The following ADARB2 variants were observed in gnomAD, a reference collection of about 807,000 sequenced individuals.
ADARB2 encodes adenosine deaminase RNA specific B2 (inactive), also known as inactive double-stranded RNA-specific editase B2.
In ADARB2, 25 loss-of-function variants were observed where a neutral mutation model predicts 62.2. The observed-to-expected ratio is 0.40, with a 90% CI of 0.29 to 0.56. The LOEUF (loss-of-function observed/expected upper bound fraction) is 0.56. Among genes scored for constraint, ADARB2 ranks in the 20% least tolerant of loss-of-function variants. The pLI is 0.43. For synonymous variants in ADARB2, 572 were observed against 500.8 expected, an observed-to-expected ratio of 1.14 and a Z score of -1.90; for missense variants, 1,071 against 1,077.4, an observed-to-expected ratio of 0.99 and a Z score of 0.08.
At chr10:1,483,273 CT>C (rs1296541161) in intron 1 of ADARB2, among the ~76,000 whole-genome samples, 1 of 152,172 alleles carries the variant, frequency 6.6e-6, no homozygotes, top group African/African-American at 2.4e-5. Context: ...CAACACGTTT[CT>C]GTTTCAAACA....
At position 1,363,547 on chromosome 10, in the gene ADARB2, G is replaced by C. The variant is rs1832282752; in HGVS notation, c.558C>G (p.Leu186=). The C allele has an allele frequency of 6.4e-6, 10 of 1,564,822 alleles. No homozygotes were observed. Among genetic ancestry groups the C allele is most frequent in the Non-Finnish European group, 8.6e-6 (10 of 1,157,334 alleles). Residue 186 remains leucine (L), a synonymous_variant, in exon 3 of 10, where the codon CTC becomes CTG. Transcript: ENST00000381312. ...KAKMRAAELA[L]RSFVQFPNAC... ...CGTTGGGGAACTGCACGAAGGACCT[G>C]AGTGCCAGCTCCGCCGCGCGCATCT...
intron 4 of ADARB2, among the ~76,000 whole-genome samples, chr10:1,261,935 A>G (rs1831141326): frequency 6.7e-6 from 1 of 148,556 alleles, no homozygotes; most frequent in Non-Finnish European, 1.5e-5. Flanking sequence ...AATGTGGCAC[A>G]TATACACCAT....
chr10:1,370,299 A>G (rs1832357318), intron 2 of ADARB2, among the ~76,000 whole-genome samples: 2 of 152,194 alleles, frequency 1.3e-5, no homozygotes, highest in Non-Finnish European at 2.9e-5. Context: ...GTAGACACAT[A>G]CCTCAAAATA....
chr10:1,270,896 A>T (rs1831254892), intron 4 of ADARB2, 59 bp downstream of exon 4: 4 of 1,468,622 alleles, frequency 2.7e-6, no homozygotes, highest in Admixed American at 1.8e-5. Flanking sequence ...GATCAGGTAG[A>T]TGCTAATGCT....
rs1161626151 is a variant in ADARB2 at position 1,547,822 on chromosome 10, G to A, written c.101-168662C>T. On this transcript the variant is annotated intron_variant, in intron 1 of 9. Coordinates refer to ENST00000381312, the MANE Select transcript of ADARB2 (RefSeq NM_018702.4). ...AAGAGGCTGCACAGGTGTATACACTGTGGGGAGGGGGAGATAGGCATTGGT... is the reference window on the plus strand; with the variant it reads ...AAGAGGCTGCACAGGTGTATACACTATGGGGAGGGGGAGATAGGCATTGGT... Among the ~76,000 whole-genome samples the A allele has an allele frequency of 3.3e-5, 5 of 151,778 alleles. No homozygotes were observed. The East Asian group carries it at 7.7e-4, about 24-fold the overall frequency.
intron 1 of ADARB2, among the ~76,000 whole-genome samples, chr10:1,482,147 A>C (rs1274411470): frequency 6.6e-6 from 1 of 152,256 alleles, no homozygotes; most frequent in Non-Finnish European, 1.5e-5. Context: ...GCCAGTGTGA[A>C]TATAACGTGG....
chr10:1,594,183 G>A (rs192484376), intron 1 of ADARB2, among the ~76,000 whole-genome samples: 139 of 152,224 alleles, frequency 9.1e-4, no homozygotes, highest in African/African-American at 2.9e-3. Flanking sequence ...CCAGCTACTC[G>A]GGAGGCTGAG....
chr10:1,670,553 CT>C (rs1324036733), intron 1 of ADARB2, among the ~76,000 whole-genome samples: 1 of 152,260 alleles, frequency 6.6e-6, no homozygotes, highest in Non-Finnish European at 1.5e-5. Context: ...GCAGCCACCC[CT>C]CTCCCAGTGG....
At chr10:1,466,787 C>G (rs767639393) in intron 1 of ADARB2, among the ~76,000 whole-genome samples, 11 of 152,172 alleles carry the variant, frequency 7.2e-5, no homozygotes, top group Admixed American at 1.3e-4. Flanking sequence ...CCACAGAGCA[C>G]GTTCCCCGTG....
chr10:1,647,718 G>C (rs960200046), intron 1 of ADARB2, among the ~76,000 whole-genome samples: 1 of 151,776 alleles, frequency 6.6e-6, no homozygotes, highest in Non-Finnish European at 1.5e-5. Flanking sequence ...GTATATGCAT[G>C]TATGTGCATG....
chr10:1,602,193 G>T (rs1272979162), intron 1 of ADARB2, among the ~76,000 whole-genome samples: 2 of 152,204 alleles, frequency 1.3e-5, no homozygotes, highest in Non-Finnish European at 2.9e-5. Context: ...CAGAGACCCT[G>T]ATGTGGACTT....
At chr10:1,726,995 C>G (rs1225048234) in intron 1 of ADARB2, among the ~76,000 whole-genome samples, 1 of 152,158 alleles carries the variant, frequency 6.6e-6, no homozygotes, top group African/African-American at 2.4e-5. Context: ...GCTTCTGTTC[C>G]TGCTTAATCT....
At chr10:1,195,347 C>T (rs991282460) in intron 8 of ADARB2, among the ~76,000 whole-genome samples, 2 of 150,712 alleles carry the variant, frequency 1.3e-5, no homozygotes, top group Non-Finnish European at 2.9e-5. Flanking sequence ...TTTACAGAAC[C>T]TTCAGGGAAC....
intron 1 of ADARB2, among the ~76,000 whole-genome samples, chr10:1,527,848 G>A (rs1832169130): frequency 6.6e-6 from 1 of 152,156 alleles, no homozygotes; most frequent in Non-Finnish European, 1.5e-5. Context: ...GCTGCACGGG[G>A]AGAAGCCGAT....
Position 1,570,114 on chromosome 10 carries a change from A to T in ADARB2, c.100+166937T>A, listed in dbSNP as rs563132005. On this transcript the variant is annotated intron_variant, in intron 1 of 9. Transcript: ENST00000381312. ...ATACAAACGTATATACGTTAAAATT[A>T]CCTTAAAACTTCAGTATAATTTAGA... 7.5e-4 allele frequency among the ~76,000 whole-genome samples: 114 copies of T among 152,200 alleles called. No individual in the cohort carries two copies. In the South Asian group the frequency reaches 0.023, roughly 31 times the overall value.
intron 1 of ADARB2, among the ~76,000 whole-genome samples, chr10:1,623,595 C>T (rs1055661912): frequency 6.6e-6 from 1 of 152,238 alleles, no homozygotes; most frequent in Non-Finnish European, 1.5e-5. Flanking sequence ...CCACCGTGAG[C>T]CGTAACTGCT....
At chr10:1,272,232 C>T (rs534628284) in intron 3 of ADARB2, among the ~76,000 whole-genome samples, 1 of 152,330 alleles carries the variant, frequency 6.6e-6, no homozygotes, top group South Asian at 2.1e-4. Flanking sequence ...TCCCCATTAC[C>T]ACCAGGCATG....
chr10:1,303,048 GAGA>G (rs1223969471), intron 3 of ADARB2, among the ~76,000 whole-genome samples: 4 of 152,192 alleles, frequency 2.6e-5, no homozygotes, highest in Non-Finnish European at 5.9e-5. Context: ...GACTAGCTGA[GAGA>G]AGAAGGCTTC....
chr10:1,491,238 G>GT (rs1831617953), intron 1 of ADARB2, among the ~76,000 whole-genome samples: 1 of 151,788 alleles, frequency 6.6e-6, no homozygotes, highest in African/African-American at 2.4e-5. Flanking sequence ...CCGGCTAATT[G>GT]TTTTTATTTT....
Sources: allele counts gnomAD v4.1 joint callset (sites outside exome capture counted in the v4.1 genomes callset), GRCh38; gene constraint gnomAD v4.1.1; transcripts MANE v1.5; gene names NCBI Gene and HGNC (gene_info 2026-07-23, HGNC 2026-07-21).